Variants in GPA33 observed in about 807,000 individuals in gnomAD.
The protein encoded by GPA33 is glycoprotein A33.
A neutral mutation model predicts 35.6 loss-of-function variants in GPA33; 27 were observed. That is an observed-to-expected ratio of 0.76 (90% CI 0.56 to 1.04). The LOEUF (loss-of-function observed/expected upper bound fraction) is 1.04, where lower values mean the gene tolerates loss of function less well. GPA33 is among the 50% of genes least tolerant of loss of function. The pLI is 0.00. For synonymous variants in GPA33, 176 were observed against 164.0 expected (o/e 1.07, Z -0.56); for missense variants, 428 against 411.9 (o/e 1.04, Z -0.34).
chr1:167,056,626 G>GTATGGTA (rs1666271645), intron 4 of GPA33, among the ~76,000 whole-genome samples: 6 of 95,844 alleles, frequency 6.3e-5, no homozygotes, highest in African/African-American at 7.4e-5. Context: ...TGTGGTGAGT[G>GTATGGTA]TGTGATGTGT....
At chr1:167,056,601 G>A (rs201261445) in intron 4 of GPA33, among the ~76,000 whole-genome samples, 1 of 40 alleles carries the variant, frequency 0.025, no homozygotes, top group Non-Finnish European at 0.042. Flanking sequence ...GTGTGTATGT[G>A]GTGTGTGTAG....
chr1:167,080,310 T>C lies in GPA33; in HGVS notation c.44-6771A>G, dbSNP rs1357193400. ...GTATCAATGTGTTAACCTCCAGGGG[T>C]ATACAGGTTAGAAGTGCAAGCGCCT... is the stretch of plus-strand genomic sequence containing the variant. On this transcript the variant is annotated intron_variant, in intron 1 of 6. Transcript: ENST00000367868. 3.9e-5 allele frequency among the ~76,000 whole-genome samples: 6 copies of C among 152,110 alleles called. 1 individual carries two copies. In the East Asian group the frequency reaches 7.7e-4, roughly 20 times the overall value.
At chr1:167,066,790 G>A (rs1343682023) in intron 3 of GPA33, among the ~76,000 whole-genome samples, 3 of 152,186 alleles carry the variant, frequency 2.0e-5, no homozygotes, top group Non-Finnish European at 2.9e-5. Flanking sequence ...TGCGACTCCC[G>A]CTACAGACGT....
intron 1 of GPA33, among the ~76,000 whole-genome samples, chr1:167,082,067 G>A (rs983041259): frequency 6.6e-6 from 1 of 152,198 alleles, no homozygotes; most frequent in African/African-American, 2.4e-5. Context: ...AAGGCTTATT[G>A]AGGAGGTAGA....
At chr1:167,058,828 T>A (rs1410443887) in intron 4 of GPA33, among the ~76,000 whole-genome samples, 1 of 152,254 alleles carries the variant, frequency 6.6e-6, no homozygotes, top group East Asian at 1.9e-4. Context: ...ACAATGCTGT[T>A]GAGCACTGGG....
At chr1:167,083,539 G>T (rs1666994663) in intron 1 of GPA33, among the ~76,000 whole-genome samples, 2 of 152,226 alleles carry the variant, frequency 1.3e-5, no homozygotes, top group South Asian at 4.1e-4. Flanking sequence ...GACAGATGCA[G>T]TTGCTGCTCT....
At chr1:167,054,736 C>G (rs1023769744) in intron 6 of GPA33, among the ~76,000 whole-genome samples, 1 of 152,172 alleles carries the variant, frequency 6.6e-6, no homozygotes, top group African/African-American at 2.4e-5. Context: ...ACACTTGGCT[C>G]TAGTCATGCC....
chr1:167,083,535 T>C (rs1243741932), intron 1 of GPA33, among the ~76,000 whole-genome samples: 2 of 152,210 alleles, frequency 1.3e-5, no homozygotes, highest in East Asian at 3.8e-4. Flanking sequence ...CAGGGACAGA[T>C]GCAGTTGCTG....
intron 4 of GPA33, among the ~76,000 whole-genome samples, chr1:167,061,648 G>A (rs1437903365): frequency 7.3e-6 from 1 of 137,196 alleles, no homozygotes; most frequent in Non-Finnish European, 1.5e-5. Context: ...CAGGCTGCAG[G>A]CTGGAGTGCG....
intron 4 of GPA33, among the ~76,000 whole-genome samples, chr1:167,058,745 T>TA (rs1196106186): frequency 1.4e-5 from 2 of 145,798 alleles, no homozygotes; most frequent in East Asian, 1.9e-4. Flanking sequence ...AAGGAGTCCC[T>TA]AAAAAAGCAA....
intron 2 of GPA33, among the ~76,000 whole-genome samples, chr1:167,072,570 G>A (rs995024460): frequency 6.6e-6 from 1 of 151,864 alleles, no homozygotes; most frequent in Admixed American, 6.6e-5. Flanking sequence ...TATATAGAGA[G>A]GTACATATAA....
chr1:167,067,019 C>T (rs1204531929), intron 3 of GPA33, among the ~76,000 whole-genome samples: 1 of 152,178 alleles, frequency 6.6e-6, no homozygotes, highest in Non-Finnish European at 1.5e-5. Context: ...GGAAAGAAAA[C>T]GTGTGTGTGA....
At chr1:167,072,076 G>A (rs1239580628) in intron 2 of GPA33, among the ~76,000 whole-genome samples, 1 of 152,158 alleles carries the variant, frequency 6.6e-6, no homozygotes, top group African/African-American at 2.4e-5. Context: ...GGAGCAGTCG[G>A]GACAGGTGGC....
intron 1 of GPA33, among the ~76,000 whole-genome samples, chr1:167,087,992 C>T (rs183995309): frequency 2.6e-5 from 4 of 152,164 alleles, no homozygotes; most frequent in African/African-American, 4.8e-5. Flanking sequence ...TTTAAAAGCA[C>T]GGCCTTGCGT....
intron 2 of GPA33, among the ~76,000 whole-genome samples, chr1:167,072,001 T>G (rs137887403): frequency 4.6e-5 from 7 of 152,300 alleles, no homozygotes; most frequent in African/African-American, 1.7e-4. Context: ...AAGAGAAGGT[T>G]CCCTTTCGCT....
chr1:167,056,720 AG>A (rs1666289464), intron 4 of GPA33, among the ~76,000 whole-genome samples: 3 of 3,790 alleles, frequency 7.9e-4, no homozygotes, highest in Non-Finnish European at 1.6e-3. Flanking sequence ...GTGTGTGTGT[AG>A]TGTGTGATGT....
At chr1:167,055,677 C>G (rs542104185) in intron 5 of GPA33, 53 bp downstream of exon 5, 17 of 1,603,118 alleles carry the variant, frequency 1.1e-5, no homozygotes, top group Non-Finnish European at 1.4e-5. Context: ...TTCTGGACCC[C>G]CACCAGTTAT....
chr1:167,071,631 G>T (rs374630829), intron 2 of GPA33, among the ~76,000 whole-genome samples: 1 of 152,172 alleles, frequency 6.6e-6, no homozygotes. Flanking sequence ...AAGGTGTCTC[G>T]GGCTGTGGAT....
intron 3 of GPA33, among the ~76,000 whole-genome samples, chr1:167,066,200 A>G (rs1173490822): frequency 6.6e-6 from 1 of 152,202 alleles, no homozygotes; most frequent in Non-Finnish European, 1.5e-5. Context: ...AGTGTGCATG[A>G]CTGACAGTAG....
Sources: gnomAD v4.1 joint callset for allele counts (sites outside exome capture counted in the v4.1 genomes callset) on GRCh38, gnomAD v4.1.1 for gene constraint, MANE v1.5 for transcripts, NCBI Gene and HGNC (gene_info 2026-07-23, HGNC 2026-07-21) for gene names.